The following C2CD3 variants were observed in gnomAD, a reference collection of about 807,000 sequenced individuals.
C2CD3 encodes C2 domain containing 3 centriole elongation regulator.
In C2CD3, 148 loss-of-function variants were observed where a neutral mutation model predicts 234.0. That is an observed-to-expected ratio of 0.63 (90% CI 0.55 to 0.72). The LOEUF (loss-of-function observed/expected upper bound fraction) is 0.72, where lower values mean the gene tolerates loss of function less well. Among genes scored for constraint, C2CD3 ranks in the 30% least tolerant of loss-of-function variants. The pLI is 0.00. For synonymous variants in C2CD3, 1,000 were observed against 1,035.4 expected, an observed-to-expected ratio of 0.97 and a Z score of 0.66; for missense variants, 2,577 against 2,811.5, an observed-to-expected ratio of 0.92 and a Z score of 1.89.
intron 11 of C2CD3, among the ~76,000 whole-genome samples, chr11:74,112,906 A>G (rs1956793483): frequency 6.6e-6 from 1 of 152,244 alleles, no homozygotes; most frequent in Non-Finnish European, 1.5e-5. Context: ...AAGTTAAAAC[A>G]TAAAGTTACC....
intron 24 of C2CD3, among the ~76,000 whole-genome samples, chr11:74,060,127 A>T (rs959296339): frequency 1.3e-5 from 2 of 152,218 alleles, no homozygotes; most frequent in African/African-American, 4.8e-5. Context: ...GGGAAGCTCG[A>T]ACTGGGTGGA....
rs147464285 is a variant in C2CD3, at chr11:74,018,809, C to T, written c.6922-5284G>A. ...AATCCCAAATCTGACCTGCTCAGCC[C>T]GGCTGCCGCATGGCTCTGGTCTCAT... is the stretch of plus-strand genomic sequence containing the variant. On this transcript the variant is annotated intron_variant, in intron 32 of 32. Coordinates refer to ENST00000334126, the MANE Select transcript of C2CD3 (RefSeq NM_001286577.2). 2.8e-3 allele frequency among the ~76,000 whole-genome samples: 426 copies of T among 152,306 alleles called. 1 individual carries two copies. Among genetic ancestry groups the T allele is most frequent in the Non-Finnish European group, 4.5e-3 (306 of 68,032 alleles).
chr11:74,168,303 T>C, intron 2 of C2CD3, 41 bp downstream of exon 2: 1 of 1,528,302 alleles, frequency 6.5e-7, no homozygotes, highest in African/African-American at 1.4e-5. Context: ...CCACATGCTT[T>C]GTATTACGTC....
intron 31 of C2CD3, among the ~76,000 whole-genome samples, chr11:74,030,587 T>C (rs1263963523): frequency 6.6e-6 from 1 of 152,136 alleles, no homozygotes; most frequent in Non-Finnish European, 1.5e-5. Flanking sequence ...TCTCCTCATC[T>C]CCTTTGTGGG....
At position 74,103,342 on chromosome 11, in the gene C2CD3, A is replaced by T; in HGVS notation, c.2369T>A (p.Leu790Ter). 6.2e-7 allele frequency: 1 copy of T among 1,614,228 alleles called. No individual in the cohort carries two copies. The highest frequency in any genetic ancestry group is 8.5e-7 in the Non-Finnish European group (1 of 1,180,036). ...TGTTGTCCCATTTGTCTGATTGACT[A>T]AATTATGGGAGGCTGGCGTAGCTAC... ...TFVATPASHN[L>*]VNQTNGTTKE... is the part of the protein sequence containing the mutation. Residue 790 changes from leucine (L) to a stop codon, truncating the protein, a stop_gained, in exon 14 of 33, where the codon TTA (leucine) becomes TAA (stop). Coordinates refer to ENST00000334126, the MANE Select transcript of C2CD3 (RefSeq NM_001286577.2). LOFTEE classifies it high-confidence loss of function.
chr11:74,100,093 T>C (rs529338683), intron 15 of C2CD3, among the ~76,000 whole-genome samples: 8 of 152,342 alleles, frequency 5.3e-5, no homozygotes, highest in Non-Finnish European at 1.2e-4. Flanking sequence ...CGTGACAGAA[T>C]GGTAAACCAC....
At chr11:74,040,029 T>A (rs1359181003) in intron 29 of C2CD3, among the ~76,000 whole-genome samples, 6 of 152,200 alleles carry the variant, frequency 3.9e-5, no homozygotes, top group Non-Finnish European at 5.9e-5. Flanking sequence ...ATAGCAGAAG[T>A]CCCCAACCTC....
chr11:74,161,731 C>T (rs1023868846), intron 2 of C2CD3, among the ~76,000 whole-genome samples, 175 bp from the exon 3 acceptor site: 3 of 151,336 alleles, frequency 2.0e-5, no homozygotes, highest in Admixed American at 1.3e-4. Flanking sequence ...TAATAAGTTG[C>T]TAATAGGATG....
chr11:74,122,990 G>A lies in C2CD3; in HGVS notation c.1363C>T (p.Pro455Ser). 6.2e-7 allele frequency: 1 copy of A among 1,612,186 alleles called. No individual in the cohort carries two copies. The highest frequency in any genetic ancestry group is 8.5e-7 in the Non-Finnish European group (1 of 1,178,688). Residue 455 changes from proline (P) to serine (S), a missense_variant and splice_region_variant, in exon 8 of 33, where the codon CCT becomes TCT. Coordinates refer to ENST00000334126, the MANE Select transcript of C2CD3 (RefSeq NM_001286577.2). The stretch of plus-strand genomic sequence containing the variant: ...ATGCTTCAGGTTCAGTGACTTACAG[G>A]TGCTGTATAAAATAAATTCTCCAGA... Reference protein sequence around the residue: ...SLLENLFYTAPKSDTSISDFL... With the variant: ...SLLENLFYTASKSDTSISDFL...
At chr11:74,158,239 A>C (rs1486768374) in intron 3 of C2CD3, among the ~76,000 whole-genome samples, 2 of 152,256 alleles carry the variant, frequency 1.3e-5, no homozygotes, top group Non-Finnish European at 2.9e-5. Flanking sequence ...AACACAGCAA[A>C]GGGACAACCC....
At chr11:74,092,021 T>C (rs895205875) in intron 19 of C2CD3, among the ~76,000 whole-genome samples, 1 of 150,902 alleles carries the variant, frequency 6.6e-6, no homozygotes, top group Non-Finnish European at 1.5e-5. Context: ...CTGTATATTT[T>C]ATATATATAT....
At chr11:74,032,749 T>C (rs1200785281) in intron 31 of C2CD3, among the ~76,000 whole-genome samples, 1 of 151,960 alleles carries the variant, frequency 6.6e-6, no homozygotes, top group African/African-American at 2.4e-5. Context: ...CCTGTAGTTC[T>C]AGCTACTTGC....
chr11:74,041,121 T>C (rs1055637141), intron 29 of C2CD3, among the ~76,000 whole-genome samples: 4 of 152,186 alleles, frequency 2.6e-5, no homozygotes, highest in African/African-American at 9.7e-5. Context: ...GGTTACATAA[T>C]GTTGATACTT....
Position 74,170,858 on chromosome 11 carries a change from C to T in C2CD3, c.-66G>A, listed in dbSNP as rs1857162502. The T allele has an allele frequency of 2.5e-6, 4 of 1,606,310 alleles. No homozygotes were observed. Among genetic ancestry groups the T allele is most frequent in the Non-Finnish European group, 3.4e-6 (4 of 1,176,006 alleles). ...CAGCACCTAAGCAGTATCCTCCCGC[C>T]ATCCCTCCCCACGGCGCCTGCGTTC... On this transcript the variant is annotated 5_prime_UTR_variant, in exon 1 of 33. The change abolishes an upstream ATG in the 5' untranslated region. Coordinates refer to ENST00000334126, the MANE Select transcript of C2CD3 (RefSeq NM_001286577.2).
Position 74,074,302 on chromosome 11 carries a change from C to A in C2CD3, c.4902G>T (p.Thr1634=), listed in dbSNP as rs539043886. Reference sequence around the variant, plus strand: ...TTTCTACTAGGATGCTGACTGCAAACGTTCCATCCAAATCAGCAGGGCCCT... The same window carrying A: ...TTTCTACTAGGATGCTGACTGCAAAAGTTCCATCCAAATCAGCAGGGCCCT... The part of the protein sequence containing the change: ...TQEGPADLDG[T]FAVSILVERA... Residue 1634 remains threonine, a synonymous_variant, in exon 24 of 33, where the codon ACG becomes ACT. Coordinates refer to ENST00000334126, the MANE Select transcript of C2CD3 (RefSeq NM_001286577.2). The A allele has an allele frequency of 8.7e-6, 14 of 1,614,182 alleles. No individual in the cohort carries two copies. The highest frequency in any genetic ancestry group is 1.6e-4 in the Middle Eastern group (1 of 6,062).
At chr11:74,122,005 G>C (rs1277646623) in intron 8 of C2CD3, among the ~76,000 whole-genome samples, 1 of 152,064 alleles carries the variant, frequency 6.6e-6, no homozygotes, top group Non-Finnish European at 1.5e-5. Context: ...CCCACTGTAG[G>C]GTTGCCAGAC....
chr11:74,161,380 A>C lies in C2CD3; in HGVS notation c.483+19T>G. 3.3e-6 allele frequency: 5 copies of C among 1,504,412 alleles called. No homozygotes were observed. Among genetic ancestry groups the C allele is most frequent in the Non-Finnish European group, 4.5e-6 (5 of 1,106,300 alleles). The allele number at this position is 1,504,412 out of a possible 1,614,324, so 93.2% of individuals were successfully genotyped here. On this transcript the variant is annotated intron_variant, in intron 3 of 32. Transcript: ENST00000334126. ...AAAAAGTTTATTTTATGCAGCAAATAATTAAAATATATTTTTACCTGGAGT... is the reference window on the plus strand; with the variant it reads ...AAAAAGTTTATTTTATGCAGCAAATCATTAAAATATATTTTTACCTGGAGT...
chr11:74,054,320 C>T (rs571370922), intron 26 of C2CD3, among the ~76,000 whole-genome samples: 7 of 150,264 alleles, frequency 4.7e-5, no homozygotes, highest in Admixed American at 1.3e-4. Flanking sequence ...TATGTGCTTG[C>T]GGTCCCCGCT....
chr11:74,138,995 G>A, intron 4 of C2CD3, 28 bp from the exon 5 acceptor site: 1 of 1,569,998 alleles, frequency 6.4e-7, no homozygotes, highest in Non-Finnish European at 8.7e-7. Flanking sequence ...GAGAACATCA[G>A]CAATATATAA....
Sources: allele counts gnomAD v4.1 joint callset (sites outside exome capture counted in the v4.1 genomes callset), GRCh38; gene constraint gnomAD v4.1.1; transcripts MANE v1.5; gene names NCBI Gene and HGNC (gene_info 2026-07-23, HGNC 2026-07-21).